C6orf15: variants seen among roughly 807,000 people sequenced by gnomAD.
C6orf15 encodes the protein chromosome 6 open reading frame 15, also known as uncharacterized protein C6orf15.
A neutral mutation model predicts 2.8 loss-of-function variants in C6orf15; 5 were observed. That is an observed-to-expected ratio of 1.80 (90% confidence interval 0.94 to 3.78). C6orf15 has a LOEUF of 3.78. C6orf15 is among the 30% of genes most tolerant of loss of function. C6orf15 has a pLI of 0.00. For missense variants in C6orf15, 363 were observed against 418.8 expected (o/e 0.87, Z 1.16); for synonymous variants, 145 against 163.2 (o/e 0.89, Z 0.85).
chr6:31,112,162 T>C lies in C6orf15; in HGVS notation c.197A>G (p.Asp66Gly). 1 of 1,613,994 alleles carries C rather than the reference T, an allele frequency of 6.2e-7. No individual in the cohort carries two copies. Among genetic ancestry groups the C allele is most frequent in the Non-Finnish European group, 8.5e-7 (1 of 1,179,952 alleles). The change falls in exon 2 of 2, where the codon GAC becomes GGC. Residue 66 changes from aspartate (D) to glycine (G), a missense_variant. Coordinates refer to ENST00000259870, the MANE Select transcript of C6orf15 (RefSeq NM_014070.3). ...CCTTGCCAAGTCATTAGACCTAGGGTCCAGAGCGGGCTGCGGATGTTCAGA... is the reference window on the plus strand; with the variant it reads ...CCTTGCCAAGTCATTAGACCTAGGGCCCAGAGCGGGCTGCGGATGTTCAGA... ...SNSEHPQPALDPRSNDLARVP... is the reference protein window; with the variant it reads ...SNSEHPQPALGPRSNDLARVP...
At position 31,112,093 on chromosome 6, in the gene C6orf15, G is replaced by C; in HGVS notation, c.266C>G (p.Pro89Arg). The C allele has an allele frequency of 6.2e-7, 1 of 1,614,066 alleles. No homozygotes were observed. Among genetic ancestry groups the C allele is most frequent in the Non-Finnish European group, 8.5e-7 (1 of 1,179,942 alleles). The change falls in exon 2 of 2, where the codon CCT (proline) becomes CGT (arginine). Residue 89 changes from proline (P) to arginine (R), a missense_variant. Coordinates refer to ENST00000259870, the MANE Select transcript of C6orf15 (RefSeq NM_014070.3). ...CCTCTGCACTGCAGAACCTCCTGCAGGTGGGAAGCCATCTGATGCAGGCAC... is the reference window on the plus strand; with the variant it reads ...CCTCTGCACTGCAGAACCTCCTGCACGTGGGAAGCCATCTGATGCAGGCAC... ...LSVPASDGFP[P>R]AGGSAVQRWP... is the part of the protein sequence containing the mutation.
chr6:31,112,330 GT>G, intron 1 of C6orf15, 39 bp from the exon 2 acceptor site: 1 of 1,560,090 alleles, frequency 6.4e-7, no homozygotes, highest in Non-Finnish European at 8.7e-7. Context: ...GTGGTCTCCA[GT>G]CCCCGAGTCC....
In C6orf15 at chr6:31,111,884, C is replaced by T. The variant is rs908731767; in HGVS notation, c.475G>A (p.Ala159Thr). Reference sequence around the variant, plus strand: ...GAAGCCTTGGGTGAGAGGCCTGTGGCATCGGGAGAAGACTCCCCAGGCAAA... The same window carrying T: ...GAAGCCTTGGGTGAGAGGCCTGTGGTATCGGGAGAAGACTCCCCAGGCAAA... ...GPLPGESSPD[A>T]TGLSPKASLL... Residue 159 changes from alanine to threonine, a missense_variant, in exon 2 of 2, where the codon GCC becomes ACC. Physicochemically the swap from Ala to Thr is moderately conservative, Grantham distance 58. Transcript: ENST00000259870. The T allele has an allele frequency of 1.2e-6, 2 of 1,612,688 alleles. No individual in the cohort carries two copies. The highest frequency in any genetic ancestry group is 1.7e-6 in the Non-Finnish European group (2 of 1,179,866).
chr6:31,112,163 C>G lies in C6orf15; in HGVS notation c.196G>C (p.Asp66His), dbSNP rs1771821568. 1 of 1,614,006 alleles carries G rather than the reference C, an allele frequency of 6.2e-7. No homozygotes were observed. The highest frequency in any genetic ancestry group is 1.3e-5 in the African/African-American group (1 of 74,906). Residue 66 changes from aspartate (D) to histidine (H), a missense_variant, in exon 2 of 2, where the codon GAC (aspartate) becomes CAC (histidine). Asp to His is a moderately conservative substitution (Grantham distance 81, BLOSUM62 -1). Transcript: ENST00000259870. ...CTTGCCAAGTCATTAGACCTAGGGT[C>G]CAGAGCGGGCTGCGGATGTTCAGAG... is the stretch of plus-strand genomic sequence containing the variant. ...SNSEHPQPAL[D>H]PRSNDLARVP... is the part of the protein sequence containing the mutation.
In C6orf15 at chr6:31,111,942, G is replaced by A. The variant is rs757073382; in HGVS notation, c.417C>T (p.Ser139=). ...EALPEELSYL[S]SAAALAPGSG... ...TGCCCGGAGCGAGGGCCGCAGCACT[G>A]GAGAGGTAAGAGAGTTCTTCAGGCA... Residue 139 remains serine, a synonymous_variant, in exon 2 of 2, where the codon TCC becomes TCT. Transcript: ENST00000259870. 1 of 1,613,038 alleles carries A rather than the reference G, an allele frequency of 6.2e-7. No individual in the cohort carries two copies. The highest frequency in any genetic ancestry group is 8.5e-7 in the Non-Finnish European group (1 of 1,179,978).
Position 31,112,526 on chromosome 6 carries a change from A to T in C6orf15, c.30T>A (p.Ala10=). 1 of 1,551,484 alleles carries T rather than the reference A, an allele frequency of 6.4e-7. No homozygotes were observed. Among genetic ancestry groups the T allele is most frequent in the Non-Finnish European group, 8.7e-7 (1 of 1,146,710 alleles). Residue 10 remains alanine, a synonymous_variant, in exon 1 of 2, where the codon GCT becomes GCA. Coordinates refer to ENST00000259870, the MANE Select transcript of C6orf15 (RefSeq NM_014070.3). ...GACAGACCAGGAGCAGGCCCAGAGG[A>T]GCGCAGCTCCCTGCCACGCGGCCCT... MQGRVAGSC[A]PLGLLLVCLH...
In C6orf15 at chr6:31,111,565, T is replaced by A. The variant is rs771192545; in HGVS notation, c.794A>T (p.Asn265Ile). Residue 265 changes from asparagine to isoleucine, a missense_variant, in exon 2 of 2, where the codon AAT becomes ATT. Physicochemically the swap from Asn to Ile is moderately radical, Grantham distance 149. Coordinates refer to ENST00000259870, the MANE Select transcript of C6orf15 (RefSeq NM_014070.3). ...RYPGGSWGNI[N>I]RYPGGSWGNI... ...CCCCCAGCTGCCTCCTGGATACCGATTAATATTTCCCCAGCTGCCTCCTGG... is the reference window on the plus strand; with the variant it reads ...CCCCCAGCTGCCTCCTGGATACCGAATAATATTTCCCCAGCTGCCTCCTGG... 1 of 1,574,456 alleles carries A rather than the reference T, an allele frequency of 6.4e-7. No individual in the cohort carries two copies. The highest frequency in any genetic ancestry group is 8.6e-7 in the Non-Finnish European group (1 of 1,159,518).
chr6:31,112,142 C>T lies in C6orf15; in HGVS notation c.217G>A (p.Ala73Thr). 3 of 1,614,116 alleles carry T rather than the reference C, an allele frequency of 1.9e-6. No homozygotes were observed. The highest frequency in any genetic ancestry group is 1.1e-5 in the South Asian group (1 of 91,078). Reference sequence around the variant, plus strand: ...ACGCTGAGCTTCAGAGGAACCCTTGCCAAGTCATTAGACCTAGGGTCCAGA... The same window carrying T: ...ACGCTGAGCTTCAGAGGAACCCTTGTCAAGTCATTAGACCTAGGGTCCAGA... ...PALDPRSNDL[A>T]RVPLKLSVPA... Residue 73 changes from alanine to threonine, a missense_variant, in exon 2 of 2, where the codon GCA becomes ACA. Coordinates refer to ENST00000259870, the MANE Select transcript of C6orf15 (RefSeq NM_014070.3).
chr6:31,112,252 A>G lies in C6orf15; in HGVS notation c.107T>C (p.Val36Ala), dbSNP rs1257118547. ...CAAGTTGGTCCCCAAGTTTTGGGAAACTTTCTCCTCCACAACACCGATGCT... is the reference window on the plus strand; with the variant it reads ...CAAGTTGGTCCCCAAGTTTTGGGAAGCTTTCTCCTCCACAACACCGATGCT... ...ARSIGVVEEKVSQNLGTNLPQ... is the reference protein window; with the variant it reads ...ARSIGVVEEKASQNLGTNLPQ... The change falls in exon 2 of 2, where the codon GTT (valine) becomes GCT (alanine). Residue 36 changes from valine (V) to alanine (A), a missense_variant. Val to Ala is a moderately conservative substitution (Grantham distance 64, BLOSUM62 0). Transcript: ENST00000259870. The G allele has an allele frequency of 1.2e-6, 2 of 1,613,766 alleles. No individual in the cohort carries two copies. The highest frequency in any genetic ancestry group is 2.2e-5 in the South Asian group (2 of 91,034).
Position 31,112,032 on chromosome 6 carries a change from G to A in C6orf15, c.327C>T (p.Ser109=), listed in dbSNP as rs1471474973. The stretch of plus-strand genomic sequence containing the variant: ...TCTGCCAAGGATCCTCAGGGGGCCA[G>A]GAATCCATGGCAGGCAGCCCCCACG... The part of the protein sequence containing the change: ...PPSWGLPAMD[S]WPPEDPWQMM... The change falls in exon 2 of 2, where the codon TCC becomes TCT. Residue 109 remains serine, a synonymous_variant. Coordinates refer to ENST00000259870, the MANE Select transcript of C6orf15 (RefSeq NM_014070.3). The A allele has an allele frequency of 6.2e-7, 1 of 1,614,110 alleles. No individual in the cohort carries two copies. The highest frequency in any genetic ancestry group is 2.2e-5 in the East Asian group (1 of 44,886).
At chr6:31,112,402 A>G (rs1416897151) in intron 1 of C6orf15, 87 bp downstream of exon 1, 1 of 1,439,382 alleles carries the variant, frequency 6.9e-7, no homozygotes, top group African/African-American at 1.4e-5. Context: ...CTAAATGTGT[A>G]CCCTCCTGCC....
rs1354270862 is a variant in C6orf15, at chr6:31,112,510, G to C, written c.46C>G (p.Leu16Val). The change falls in exon 1 of 2, where the codon CTG (leucine) becomes GTG (valine). Residue 16 changes from leucine (L) to valine (V), a missense_variant. Coordinates refer to ENST00000259870, the MANE Select transcript of C6orf15 (RefSeq NM_014070.3). The stretch of plus-strand genomic sequence containing the variant: ...ATACCTGGGAGATGAAGACAGACCA[G>C]GAGCAGGCCCAGAGGAGCGCAGCTC... ...AGSCAPLGLL[L>V]VCLHLPGLFA... is the part of the protein sequence containing the mutation. 2 of 1,552,962 alleles carry C rather than the reference G, an allele frequency of 1.3e-6. No homozygotes were observed. The highest frequency in any genetic ancestry group is 1.7e-6 in the Non-Finnish European group (2 of 1,147,518).
At position 31,112,162 on chromosome 6, in the gene C6orf15, T is replaced by A. The variant is rs1325361878; in HGVS notation, c.197A>T (p.Asp66Val). 6.2e-7 allele frequency: 1 copy of A among 1,613,994 alleles called. No homozygotes were observed. Among genetic ancestry groups the A allele is most frequent in the Admixed American group, 1.7e-5 (1 of 60,020 alleles). The change falls in exon 2 of 2, where the codon GAC becomes GTC. Residue 66 changes from aspartate to valine, a missense_variant. By Grantham distance (152) the Asp-to-Val change is radical (BLOSUM62 -3). Transcript: ENST00000259870. ...CCTTGCCAAGTCATTAGACCTAGGG[T>A]CCAGAGCGGGCTGCGGATGTTCAGA... ...SNSEHPQPAL[D>V]PRSNDLARVP...
Position 31,112,061 on chromosome 6 carries a change from G to A in C6orf15, c.298C>T (p.Pro100Ser). ...AGGSAVQRWP[P>S]SWGLPAMDSW... is the part of the protein sequence containing the mutation. ...TCCATGGCAGGCAGCCCCCACGATGGAGGCCACCTCTGCACTGCAGAACCT... is the reference window on the plus strand; with the variant it reads ...TCCATGGCAGGCAGCCCCCACGATGAAGGCCACCTCTGCACTGCAGAACCT... Residue 100 changes from proline to serine, a missense_variant, in exon 2 of 2, where the codon CCA (proline) becomes TCA (serine). Physicochemically the swap from Pro to Ser is moderately conservative, Grantham distance 74 (BLOSUM62 -1). Transcript: ENST00000259870. 6.2e-7 allele frequency: 1 copy of A among 1,614,148 alleles called. No individual in the cohort carries two copies. The highest frequency in any genetic ancestry group is 8.5e-7 in the Non-Finnish European group (1 of 1,180,008).
At position 31,112,232 on chromosome 6, in the gene C6orf15, T is replaced by G; in HGVS notation, c.127A>C (p.Asn43His). 1 of 1,614,038 alleles carries G rather than the reference T, an allele frequency of 6.2e-7. No individual in the cohort carries two copies. Among genetic ancestry groups the G allele is most frequent in the South Asian group, 1.1e-5 (1 of 91,070 alleles). ...GAAGGTTGTCCGAGCTGAGGCAAGT[T>G]GGTCCCCAAGTTTTGGGAAACTTTC... ...EEKVSQNLGT[N>H]LPQLGQPSST... Residue 43 changes from asparagine to histidine, a missense_variant, in exon 2 of 2, where the codon AAC (asparagine) becomes CAC (histidine). Asn to His is a moderately conservative substitution (Grantham distance 68, BLOSUM62 1). Transcript: ENST00000259870.
chr6:31,111,663 C>G lies in C6orf15; in HGVS notation c.696G>C (p.Met232Ile). 1 of 1,611,516 alleles carries G rather than the reference C, an allele frequency of 6.2e-7. No homozygotes were observed. Among genetic ancestry groups the G allele is most frequent in the Non-Finnish European group, 8.5e-7 (1 of 1,178,964 alleles). The change falls in exon 2 of 2, where the codon ATG becomes ATC. Residue 232 changes from methionine (M) to isoleucine (I), a missense_variant. By Grantham distance (10) the Met-to-Ile change is conservative. Transcript: ENST00000259870. ...TACCCCAGATTCCCTCAGGGTGTGGCATGGGCCTCGTTCCCCAACCAGTCC... is the reference window on the plus strand; with the variant it reads ...TACCCCAGATTCCCTCAGGGTGTGGGATGGGCCTCGTTCCCCAACCAGTCC... ...GPGTGWGTRP[M>I]PHPEGIWGIN... is the part of the protein sequence containing the mutation.
Position 31,112,335 on chromosome 6 carries a change from C to T in C6orf15, c.68-44G>A, listed in dbSNP as rs749407267. 3.6e-5 allele frequency: 56 copies of T among 1,558,718 alleles called. No homozygotes were observed. The East Asian group carries it at 5.4e-4, about 15-fold the overall frequency. On this transcript the variant is annotated intron_variant, in intron 1 of 1. Coordinates refer to ENST00000259870, the MANE Select transcript of C6orf15 (RefSeq NM_014070.3). Reference sequence around the variant, plus strand: ...AAAGCAACCAGTGGTCTCCAGTCCCCGAGTCCCCAGTTCCCTTTGCTTCCC... The same window carrying T: ...AAAGCAACCAGTGGTCTCCAGTCCCTGAGTCCCCAGTTCCCTTTGCTTCCC...
chr6:31,112,204 G>A lies in C6orf15; in HGVS notation c.155C>T (p.Ser52Phe). The change falls in exon 2 of 2, where the codon TCC becomes TTC. Residue 52 changes from serine to phenylalanine, a missense_variant. Physicochemically the swap from Ser to Phe is radical, Grantham distance 155. Coordinates refer to ENST00000259870, the MANE Select transcript of C6orf15 (RefSeq NM_014070.3). ...ATGTTCAGAGTTAGAGGGGCCAGTG[G>A]AGGAAGGTTGTCCGAGCTGAGGCAA... ...TNLPQLGQPS[S>F]TGPSNSEHPQ... The A allele has an allele frequency of 6.2e-7, 1 of 1,614,160 alleles. No individual in the cohort carries two copies.
Position 31,112,269 on chromosome 6 carries a change from A to C in C6orf15, c.90T>G (p.Gly30=), listed in dbSNP as rs1363515281. 6.2e-7 allele frequency: 1 copy of C among 1,612,492 alleles called. No homozygotes were observed. The highest frequency in any genetic ancestry group is 8.5e-7 in the Non-Finnish European group (1 of 1,179,212). Residue 30 remains glycine, a synonymous_variant, in exon 2 of 2, where the codon GGT becomes GGG. Coordinates refer to ENST00000259870, the MANE Select transcript of C6orf15 (RefSeq NM_014070.3). ...HLPGLFARSI[G]VVEEKVSQNL... is the part of the protein sequence containing the mutation. ...TTTGGGAAACTTTCTCCTCCACAAC[A>C]CCGATGCTCCGGGCAAAGAGGCCTG...
Sources: gnomAD v4.1 joint callset for allele counts on GRCh38, gnomAD v4.1.1 for gene constraint, MANE v1.5 for transcripts, NCBI Gene and HGNC (gene_info 2026-07-23, HGNC 2026-07-21) for gene names.